The following IL1RL1 variants were observed in gnomAD, a reference collection of about 807,000 sequenced individuals.
IL1RL1 encodes interleukin-1 receptor-like 1.
In IL1RL1, 32 loss-of-function variants were observed where a neutral mutation model predicts 50.9. The observed-to-expected ratio is 0.63, with a 90% confidence interval of 0.47 to 0.84. The LOEUF is 0.84. Ranked by LOEUF, IL1RL1 falls within the 40% of genes least tolerant of loss-of-function variation. The pLI is 0.00. For missense variants in IL1RL1, 773 were observed against 662.9 expected (o/e 1.17, Z -1.82); for synonymous variants, 275 against 236.0 (o/e 1.17, Z -1.51).
In IL1RL1 at chr2:102,312,005, A is replaced by T. The variant is rs13401555; in HGVS notation, c.-150+382A>T. 8.3e-4 allele frequency among the ~76,000 whole-genome samples: 18 copies of T among 21,608 alleles called. 3 individuals carry two copies. The highest frequency in any genetic ancestry group is 5.5e-3 in the African/African-American group (17 of 3,090). 14.2% of individuals were successfully genotyped at this position (21,608 alleles called of 152,430 possible). On this transcript the variant is annotated intron_variant, in intron 1 of 10. Coordinates refer to ENST00000233954, the MANE Select transcript of IL1RL1 (RefSeq NM_016232.5). Reference sequence around the variant, plus strand: ...AATATATATTATATATAATATATTTATATATATTATATATAATATATATTA... The same window carrying T: ...AATATATATTATATATAATATATTTTTATATATTATATATAATATATATTA...
Position 102,347,985 on chromosome 2 carries a change from T to C in IL1RL1, c.1011T>C (p.Ser337=). ...TCTACTGCATAATTGCAGTATGTAG[T>C]GTATTTTTAATGCTAATCAATGTCC... ...HSIYCIIAVC[S]VFLMLINVLV... Residue 337 remains serine (S), a synonymous_variant, in exon 9 of 11, where the codon AGT becomes AGC. Transcript: ENST00000233954. 2.6e-6 allele frequency: 4 copies of C among 1,567,438 alleles called. No individual in the cohort carries two copies. The highest frequency in any genetic ancestry group is 3.5e-6 in the Non-Finnish European group (4 of 1,137,400).
At chr2:102,320,108 C>A (rs1337668366) in intron 1 of IL1RL1, among the ~76,000 whole-genome samples, 1 of 152,164 alleles carries the variant, frequency 6.6e-6, no homozygotes, top group Admixed American at 6.5e-5. Context: ...AGGTTTTGTC[C>A]TGCATTATTT....
rs779510248 is a variant in IL1RL1 at position 102,342,282 on chromosome 2, GA to G, written c.672del (p.Val225TrpfsTer9). The G allele has an allele frequency of 6.2e-7, 1 of 1,608,814 alleles. No individual in the cohort carries two copies. Among genetic ancestry groups the G allele is most frequent in the South Asian group, 1.1e-5 (1 of 90,960 alleles). ...IGAPAQNEIKEVEIGKNANLT... is the reference protein window; with the variant it reads ...IGAPAQNEIKXVEIGKNANLT... ...AGCCCCTGCACAAAATGAAATAAAG[GA>G]AGTGGAAATTGGTAAGAAAATTTAT... On this transcript the variant is annotated frameshift_variant, in exon 6 of 11. Transcript: ENST00000233954. LOFTEE classifies it high-confidence loss of function.
At chr2:102,339,952 T>C (rs1444528371) in intron 3 of IL1RL1, 146 bp from the exon 4 acceptor site, 1 of 447,996 alleles carries the variant, frequency 2.2e-6, no homozygotes, top group Non-Finnish European at 3.8e-6. Flanking sequence ...CTCTAGATTT[T>C]AATGTTTATT....
intron 1 of IL1RL1, among the ~76,000 whole-genome samples, chr2:102,325,902 A>G (rs996914774): frequency 6.6e-6 from 1 of 152,262 alleles, no homozygotes; most frequent in African/African-American, 2.4e-5. Context: ...TGACAGGTAG[A>G]ATGGAACCAA....
chr2:102,320,552 C>T (rs1053746938), intron 1 of IL1RL1, among the ~76,000 whole-genome samples: 3 of 152,112 alleles, frequency 2.0e-5, no homozygotes, highest in African/African-American at 4.8e-5. Context: ...TTCACATCTC[C>T]AGTTTTATGT....
chr2:102,329,404 A>C (rs1677109702), intron 1 of IL1RL1, among the ~76,000 whole-genome samples: 1 of 152,218 alleles, frequency 6.6e-6, no homozygotes, highest in East Asian at 1.9e-4. Flanking sequence ...AAACCTAGGC[A>C]ATACCATTCA....
chr2:102,329,560 G>C (rs1362900277), intron 1 of IL1RL1, among the ~76,000 whole-genome samples: 2 of 152,164 alleles, frequency 1.3e-5, no homozygotes, highest in African/African-American at 4.8e-5. Context: ...GCAACTTACA[G>C]AATGGGAGAA....
chr2:102,319,246 A>G (rs1481891283), intron 1 of IL1RL1, among the ~76,000 whole-genome samples: 2 of 152,180 alleles, frequency 1.3e-5, no homozygotes, highest in African/African-American at 4.8e-5. Flanking sequence ...TTTTGAAAAC[A>G]CAAATGCTAT....
chr2:102,342,343 C>A, intron 6 of IL1RL1, 49 bp downstream of exon 6: 1 of 1,261,118 alleles, frequency 7.9e-7, no homozygotes, highest in Non-Finnish European at 1.2e-6. Flanking sequence ...AAAAATCCTT[C>A]CATATGACCC....
At chr2:102,334,532 T>TA (rs201623992) in intron 1 of IL1RL1, among the ~76,000 whole-genome samples, 47 of 148,000 alleles carry the variant, frequency 3.2e-4, no homozygotes, top group Admixed American at 1.5e-3. Flanking sequence ...TTTTCATCAA[T>TA]AAAAAAAAAT....
intron 1 of IL1RL1, among the ~76,000 whole-genome samples, chr2:102,326,003 A>G (rs1210784545): frequency 6.6e-6 from 1 of 152,120 alleles, no homozygotes; most frequent in African/African-American, 2.4e-5. Context: ...TACAGAGAAC[A>G]CCACAAAGAT....
intron 1 of IL1RL1, among the ~76,000 whole-genome samples, chr2:102,321,511 CATGTTAG>C (rs1257137168): frequency 1.3e-5 from 2 of 152,128 alleles, no homozygotes; most frequent in African/African-American, 4.8e-5. Flanking sequence ...TATGTGCGGC[CATGTTAG>C]ATGTTAGAAC....
chr2:102,336,824 T>C (rs1051385922), intron 1 of IL1RL1, among the ~76,000 whole-genome samples: 3 of 152,176 alleles, frequency 2.0e-5, no homozygotes, highest in African/African-American at 7.2e-5. Flanking sequence ...AAGTGCTGCT[T>C]ACTTCGCATT....
intron 2 of IL1RL1, among the ~76,000 whole-genome samples, chr2:102,338,627 CT>C (rs1677421152): frequency 6.6e-6 from 1 of 152,154 alleles, no homozygotes; most frequent in Non-Finnish European, 1.5e-5. Flanking sequence ...GATAAGGCTG[CT>C]TTTCCATTGG....
intron 1 of IL1RL1, among the ~76,000 whole-genome samples, chr2:102,331,321 T>C (rs559317585): frequency 6.6e-6 from 1 of 152,336 alleles, no homozygotes; most frequent in African/African-American, 2.4e-5. Flanking sequence ...GGACAAAAGA[T>C]GTACATGAAC....
At chr2:102,344,978 C>T (rs1002154002) in intron 8 of IL1RL1, 1 of 945,960 alleles carries the variant, frequency 1.1e-6, no homozygotes, top group Non-Finnish European at 1.3e-6. Context: ...TAATTTCAGA[C>T]ACTATATAAT....
chr2:102,341,222 C>A (rs1460548874), intron 5 of IL1RL1: 5 of 1,171,120 alleles, frequency 4.3e-6, no homozygotes, highest in Non-Finnish European at 5.4e-6. Context: ...TAAAAAAGAG[C>A]TTAATCTTTA....
intron 1 of IL1RL1, among the ~76,000 whole-genome samples, chr2:102,313,840 T>G (rs955260377): frequency 2.0e-5 from 3 of 152,206 alleles, no homozygotes; most frequent in African/African-American, 7.2e-5. Context: ...TGTGTGTGTG[T>G]GCGTGCACTT....
Sources: gnomAD v4.1 joint callset for allele counts (sites outside exome capture counted in the v4.1 genomes callset) on GRCh38, gnomAD v4.1.1 for gene constraint, MANE v1.5 for transcripts, NCBI Gene and HGNC (gene_info 2026-07-23, HGNC 2026-07-21) for gene names.